Variants in CTNNA3 observed in about 807,000 individuals in gnomAD.
CTNNA3 encodes the protein catenin alpha-3.
A neutral mutation model predicts 95.7 loss-of-function variants in CTNNA3; 76 were observed. The observed-to-expected ratio is 0.79, with a 90% confidence interval of 0.66 to 0.96. The LOEUF is 0.96. CTNNA3 is among the 40% of genes least tolerant of loss of function. The pLI, the probability that CTNNA3 is intolerant of heterozygous loss-of-function variation, is 0.00. For synonymous variants in CTNNA3, 431 were observed against 374.4 expected (o/e 1.15, Z -1.74); for missense variants, 1,191 against 1,089.8 (o/e 1.09, Z -1.31).
chr10:66,276,736 A>C (rs1366225429), intron 13 of CTNNA3, among the ~76,000 whole-genome samples: 1 of 152,078 alleles, frequency 6.6e-6, no homozygotes, highest in East Asian at 1.9e-4. Context: ...AAGATATGCA[A>C]AAATATTAAT....
At position 67,726,426 on chromosome 10, in the gene CTNNA3, T is replaced by TATCATATATAATATTA. The variant is rs1554879490; in HGVS notation, c.-2+37007_-2+37008insTAATATTATATATGAT. ...ATTATATCATATATAATATTATATATTATATCATATATAATATATAATATT... is the reference window on the plus strand; with the variant it reads ...ATTATATCATATATAATATTATATATATCATATATAATATTATATATCATATATAATATATAATATT... On this transcript the variant is annotated intron_variant, in intron 1 of 17. Coordinates refer to the CTNNA3 transcript ENST00000684154. 3.4e-4 allele frequency among the ~76,000 whole-genome samples: 10 copies of TATCATATATAATATTA among 29,518 alleles called. 1 individual carries two copies. The highest frequency in any genetic ancestry group is 1.4e-3 in the East Asian group (1 of 696). The allele number at this position is 29,518 out of a possible 152,430, so 19.4% of individuals were successfully genotyped here.
chr10:66,200,970 C>T (rs2087364135), intron 13 of CTNNA3, among the ~76,000 whole-genome samples: 6 of 152,040 alleles, frequency 3.9e-5, no homozygotes, highest in Admixed American at 3.9e-4. Flanking sequence ...ACCATGAAAC[C>T]AGTGTTGCCG....
chr10:67,448,063 T>C (rs753337607), intron 5 of CTNNA3, among the ~76,000 whole-genome samples: 3 of 152,216 alleles, frequency 2.0e-5, no homozygotes, highest in Non-Finnish European at 2.9e-5. Context: ...TTATGATAGC[T>C]GAGTGCTTCT....
At chr10:67,275,489 T>A (rs570287995) in intron 5 of CTNNA3, among the ~76,000 whole-genome samples, 1 of 152,234 alleles carries the variant, frequency 6.6e-6, no homozygotes, top group South Asian at 2.1e-4. Flanking sequence ...AAATTATTTT[T>A]AAAAAATGAC....
intron 3 of CTNNA3, among the ~76,000 whole-genome samples, chr10:67,593,523 G>A (rs1457454217): frequency 6.6e-6 from 1 of 152,012 alleles, no homozygotes; most frequent in African/African-American, 2.4e-5. Context: ...TGTGGCTATT[G>A]TGAATGGATT....
intron 9 of CTNNA3, among the ~76,000 whole-genome samples, chr10:66,746,866 T>A (rs74141666): frequency 1.7e-4 from 5 of 28,828 alleles, no homozygotes; most frequent in African/African-American, 3.9e-4. Flanking sequence ...ATGCAGTGTG[T>A]GTGTGTGTGT....
chr10:67,220,939 C>T (rs1232847641), intron 5 of CTNNA3, among the ~76,000 whole-genome samples: 1 of 152,020 alleles, frequency 6.6e-6, no homozygotes, highest in African/African-American at 2.4e-5. Flanking sequence ...AAGCAACAAA[C>T]AAAATGAGAT....
chr10:66,361,692 C>A (rs2132432344), intron 12 of CTNNA3, among the ~76,000 whole-genome samples: 1 of 151,748 alleles, frequency 6.6e-6, no homozygotes, highest in Admixed American at 6.6e-5. Flanking sequence ...GGTGCACCAC[C>A]ACACTTGGTT....
chr10:67,738,258 G>A (rs115183734), intron 1 of CTNNA3, among the ~76,000 whole-genome samples: 2,570 of 152,236 alleles, frequency 0.017, 73 homozygotes, highest in African/African-American at 0.058. Flanking sequence ...TTGCTGTTCC[G>A]CAATATTTGC....
chr10:66,803,017 A>T (rs1290627798), intron 7 of CTNNA3, among the ~76,000 whole-genome samples: 1 of 150,988 alleles, frequency 6.6e-6, no homozygotes, highest in East Asian at 1.9e-4. Flanking sequence ...GGAAATATTC[A>T]TTTTTTTTTA....
intron 5 of CTNNA3, among the ~76,000 whole-genome samples, chr10:67,276,868 T>C (rs1839197342): frequency 6.6e-6 from 1 of 151,808 alleles, no homozygotes; most frequent in Non-Finnish European, 1.5e-5. Context: ...ATATATACAT[T>C]GTGGTTCTAA....
chr10:66,511,802 T>C (rs1043649989), intron 11 of CTNNA3, among the ~76,000 whole-genome samples: 12 of 151,966 alleles, frequency 7.9e-5, no homozygotes, highest in African/African-American at 2.9e-4. Flanking sequence ...CTAGAGAATG[T>C]TCCATCTGCT....
chr10:67,420,070 C>T (rs1179282229), intron 5 of CTNNA3, among the ~76,000 whole-genome samples: 8 of 152,112 alleles, frequency 5.3e-5, no homozygotes, highest in African/African-American at 1.2e-4. Context: ...AGGCTGGTCT[C>T]GAACTCCTGA....
intron 1 of CTNNA3, among the ~76,000 whole-genome samples, chr10:67,710,043 T>G (rs561432542): frequency 6.6e-6 from 1 of 152,036 alleles, no homozygotes; most frequent in African/African-American, 2.4e-5. Context: ...GAAAAGAAAC[T>G]TGAGAAGAAG....
rs1862470338 is a variant in CTNNA3 at position 67,180,389 on chromosome 10, T to A, written c.975A>T (p.Arg325=). 1.2e-6 allele frequency: 2 copies of A among 1,613,818 alleles called. No homozygotes were observed. The highest frequency in any genetic ancestry group is 1.7e-6 in the Non-Finnish European group (2 of 1,179,868). The change falls in exon 7 of 18, where the codon CGA becomes CGT. Residue 325 remains arginine (R), a synonymous_variant. Coordinates refer to ENST00000433211, the MANE Select transcript of CTNNA3 (RefSeq NM_013266.4). Reference sequence around the variant, plus strand: ...CGTTGCATTCTGCGATAATCCGCTCTCGGTGTAAGTCCCTCGTACATGAAG... The same window carrying A: ...CGTTGCATTCTGCGATAATCCGCTCACGGTGTAAGTCCCTCGTACATGAAG... ...ADSSCTRDLH[R]ERIIAECNAI...
At chr10:67,684,193 A>G (rs2133574359) in intron 1 of CTNNA3, among the ~76,000 whole-genome samples, 1 of 152,236 alleles carries the variant, frequency 6.6e-6, no homozygotes, top group South Asian at 2.1e-4. Flanking sequence ...CAGAGTGCTG[A>G]TTGGCACGTT....
intron 12 of CTNNA3, among the ~76,000 whole-genome samples, chr10:66,331,343 T>C (rs12785016): frequency 0.19 from 932 of 4,922 alleles, 48 homozygotes; most frequent in African/African-American, 0.23. Context: ...CCATTGTTTG[T>C]TTTTTTTTTT....
At chr10:67,325,115 G>A (rs1414602799) in intron 5 of CTNNA3, among the ~76,000 whole-genome samples, 1 of 151,940 alleles carries the variant, frequency 6.6e-6, no homozygotes, top group African/African-American at 2.4e-5. Flanking sequence ...ATGTTTATTT[G>A]AATCTTCTCT....
intron 5 of CTNNA3, among the ~76,000 whole-genome samples, chr10:67,322,676 A>G (rs1472495983): frequency 2.0e-5 from 3 of 152,188 alleles, no homozygotes; most frequent in South Asian, 4.1e-4. Flanking sequence ...TAGTGCTGCA[A>G]TTAGCACACA....
Sources: allele counts gnomAD v4.1 joint callset (sites outside exome capture counted in the v4.1 genomes callset), GRCh38; gene constraint gnomAD v4.1.1; transcripts MANE v1.5; gene names NCBI Gene and HGNC (gene_info 2026-07-23, HGNC 2026-07-21).